PTPRD: variants seen among roughly 807,000 people sequenced by gnomAD.
PTPRD encodes receptor-type tyrosine-protein phosphatase delta.
Under a neutral mutation model 214.5 loss-of-function variants are expected in PTPRD, and 34 were observed. The ratio of observed to expected loss-of-function variants is 0.16; its 90% CI spans 0.12 to 0.21. PTPRD has a LOEUF of 0.21. Ranked by LOEUF, PTPRD falls within the 10% of genes least tolerant of loss-of-function variation. The pLI is 1.00. For synonymous variants in PTPRD, 1,128 were observed against 845.7 expected, an observed-to-expected ratio of 1.33 and a Z score of -5.79; for missense variants, 2,545 against 2,398.7, an observed-to-expected ratio of 1.06 and a Z score of -1.27.
intron 10 of PTPRD, among the ~76,000 whole-genome samples, chr9:9,033,112 C>T (rs2099610851): frequency 6.6e-6 from 1 of 152,106 alleles, no homozygotes; most frequent in Non-Finnish European, 1.5e-5. Context: ...GTACTCTTTC[C>T]CTCTGTTCTC....
At chr9:10,134,869 G>A (rs2098930694) in intron 3 of PTPRD, among the ~76,000 whole-genome samples, 1 of 152,090 alleles carries the variant, frequency 6.6e-6, no homozygotes, top group Non-Finnish European at 1.5e-5. Context: ...TAGATCCACA[G>A]CAGCTCAACC....
In PTPRD at chr9:9,229,862, CTG is replaced by C. The variant is rs375892432; in HGVS notation, c.-202-46501_-202-46500del. Among the ~76,000 whole-genome samples the C allele has an allele frequency of 2.4e-4, 37 of 152,114 alleles. No homozygotes were observed. In the East Asian group the frequency reaches 6.8e-3, roughly 28 times the overall value. On this transcript the variant is annotated intron_variant, in intron 9 of 45. Coordinates refer to ENST00000381196, the MANE Select transcript of PTPRD (RefSeq NM_002839.4). ...GATACTTCATATTTGGTTAGGAAGA[CTG>C]ATAGTTACATTAAATACAGAAATTA...
chr9:9,392,175 C>G (rs984505167), intron 9 of PTPRD, among the ~76,000 whole-genome samples: 2 of 152,128 alleles, frequency 1.3e-5, no homozygotes, highest in African/African-American at 4.8e-5. Flanking sequence ...TGGCCCTCAG[C>G]GAGAGCAGTG....
intron 7 of PTPRD, among the ~76,000 whole-genome samples, chr9:9,633,212 T>C (rs1259668185): frequency 6.6e-6 from 1 of 151,830 alleles, no homozygotes; most frequent in African/African-American, 2.4e-5. Context: ...AGAGAATCAC[T>C]TGAACCTGGG....
chr9:10,216,705 T>G (rs147056603), intron 3 of PTPRD, among the ~76,000 whole-genome samples: 22 of 152,146 alleles, frequency 1.4e-4, no homozygotes, highest in African/African-American at 5.3e-4. Context: ...TCTCTTGAAT[T>G]TTTTGATAGT....
intron 2 of PTPRD, among the ~76,000 whole-genome samples, chr9:10,462,729 A>T (rs2098967768): frequency 6.8e-6 from 1 of 146,626 alleles, no homozygotes. Context: ...AAAGAAGGAT[A>T]TAAGTAAAAA....
intron 10 of PTPRD, among the ~76,000 whole-genome samples, chr9:9,062,968 A>G (rs542131450): frequency 6.6e-6 from 1 of 152,310 alleles, no homozygotes; most frequent in African/African-American, 2.4e-5. Context: ...GGTACCATGT[A>G]TGAGAAATGT....
At chr9:10,407,820 T>A (rs2098388790) in intron 2 of PTPRD, among the ~76,000 whole-genome samples, 1 of 151,658 alleles carries the variant, frequency 6.6e-6, no homozygotes, top group Non-Finnish European at 1.5e-5. Flanking sequence ...TTGTATTTTG[T>A]TCCAGAATGC....
intron 14 of PTPRD, among the ~76,000 whole-genome samples, chr9:8,548,348 G>A (rs1418024934): frequency 6.6e-6 from 1 of 151,910 alleles, no homozygotes; most frequent in Non-Finnish European, 1.5e-5. Flanking sequence ...CATGTGTTAG[G>A]TTGTATATGC....
chr9:9,624,587 C>T (rs553062806), intron 7 of PTPRD, among the ~76,000 whole-genome samples: 5 of 152,038 alleles, frequency 3.3e-5, no homozygotes, highest in Admixed American at 1.3e-4. Context: ...TGTACCTGGC[C>T]GTATTTTGGT....
intron 3 of PTPRD, among the ~76,000 whole-genome samples, chr9:10,090,113 T>C (rs553724128): frequency 1.3e-5 from 2 of 151,808 alleles, no homozygotes; most frequent in African/African-American, 2.4e-5. Context: ...AAACTAAGCA[T>C]ATCCATATAG....
At chr9:9,200,478 T>C (rs2099941232) in intron 9 of PTPRD, among the ~76,000 whole-genome samples, 1 of 152,232 alleles carries the variant, frequency 6.6e-6, no homozygotes, top group Non-Finnish European at 1.5e-5. Context: ...ATGAGCAATA[T>C]ATTTTGTTGA....
chr9:9,976,825 T>A (rs2382101), intron 4 of PTPRD, among the ~76,000 whole-genome samples: 115,980 of 151,684 alleles, frequency 0.76, 44,904 homozygotes, highest in Middle Eastern at 0.89. Flanking sequence ...CACTCCTGAG[T>A]TGTCTGTAGG....
At chr9:9,557,698 T>C (rs952923193) in intron 8 of PTPRD, among the ~76,000 whole-genome samples, 1 of 152,194 alleles carries the variant, frequency 6.6e-6, no homozygotes, top group Non-Finnish European at 1.5e-5. Flanking sequence ...TTCCTTTCTA[T>C]TGATTCCAGA....
At chr9:9,407,422 A>G (rs2073892170) in intron 8 of PTPRD, among the ~76,000 whole-genome samples, 1 of 151,776 alleles carries the variant, frequency 6.6e-6, no homozygotes, top group Non-Finnish European at 1.5e-5. Flanking sequence ...ATTGTGATAC[A>G]TGTAAAAGTT....
intron 3 of PTPRD, among the ~76,000 whole-genome samples, chr9:10,047,337 T>TGTGTGTGTGTGTGTGTGTGTGTGC (rs1491445418): frequency 1.4e-5 from 2 of 144,288 alleles, no homozygotes; most frequent in South Asian, 2.2e-4. Context: ...TGTGTGTGTG[T>TGTGTGTGTGTGTGTGTGTGTGTGC]GCGTGTGTGT....
chr9:8,320,657 A>AAAAAAATGGTTAAGAGCCATTG (rs145632265), intron 44 of PTPRD, among the ~76,000 whole-genome samples: 14,918 of 151,838 alleles, frequency 0.098, 852 homozygotes, highest in African/African-American at 0.14. Context: ...CTAATCTTAA[A>AAAAAAATGGTTAAGAGCCATTG]AAAAAATGGT....
intron 2 of PTPRD, among the ~76,000 whole-genome samples, chr9:10,499,657 G>A (rs1472850066): frequency 6.6e-6 from 1 of 151,718 alleles, no homozygotes; most frequent in Non-Finnish European, 1.5e-5. Context: ...AGAATTAAAG[G>A]TGTAATCAAA....
At chr9:9,036,347 G>C (rs915747539) in intron 10 of PTPRD, among the ~76,000 whole-genome samples, 2 of 151,900 alleles carry the variant, frequency 1.3e-5, no homozygotes, top group African/African-American at 4.8e-5. Flanking sequence ...AATAAAATAA[G>C]CAAGTGAAGA....
Sources: gnomAD v4.1 joint callset for allele counts (sites outside exome capture counted in the v4.1 genomes callset) on GRCh38, gnomAD v4.1.1 for gene constraint, MANE v1.5 for transcripts, NCBI Gene and HGNC (gene_info 2026-07-23, HGNC 2026-07-21) for gene names.